The following KCNH6 variants were observed in gnomAD, a reference collection of about 807,000 sequenced individuals.
KCNH6 encodes the protein potassium voltage-gated channel subfamily H member 6.
KCNH6 carries 81 observed loss-of-function variants against 83.4 expected under a neutral mutation model. That is an observed-to-expected ratio of 0.97 (90% CI 0.81 to 1.17). The LOEUF (loss-of-function observed/expected upper bound fraction) is 1.17, where lower values mean the gene tolerates loss of function less well. Ranked by LOEUF, KCNH6 falls within the 50% of genes most tolerant of loss-of-function variation. The pLI is 0.00. For missense variants in KCNH6, 1,203 were observed against 1,290.5 expected (o/e 0.93, Z 1.04); for synonymous variants, 503 against 545.6 (o/e 0.92, Z 1.09).
At chr17:63,544,223 C>T (rs1449239219) in intron 10 of KCNH6, 26 bp from the exon 11 acceptor site, 1 of 1,588,468 alleles carries the variant, frequency 6.3e-7, no homozygotes, top group Non-Finnish European at 8.6e-7. Context: ...CTAGGCCCAG[C>T]TGAGACTTCC....
chr17:63,541,572 C>T (rs921766539), intron 8 of KCNH6, among the ~76,000 whole-genome samples: 1 of 150,156 alleles, frequency 6.7e-6, no homozygotes, highest in Admixed American at 6.6e-5. Flanking sequence ...GGATTACAGG[C>T]GTGAGCCGCT....
intron 6 of KCNH6, among the ~76,000 whole-genome samples, chr17:63,537,523 C>T (rs990971988): frequency 6.6e-6 from 1 of 152,152 alleles, no homozygotes; most frequent in African/African-American, 2.4e-5. Context: ...CAACCTCTGC[C>T]TCCTGGGTTC....
Position 63,530,120 on chromosome 17 carries a change from G to C in KCNH6, c.337G>C (p.Val113Leu), listed in dbSNP as rs757942451. The change falls in exon 3 of 13, where the codon GTG (valine) becomes CTG (leucine). Residue 113 changes from valine (V) to leucine (L), a missense_variant. Transcript: ENST00000314672. ...ASSFRCLVDV[V>L]PVKNEDGAVI... Reference sequence around the variant, plus strand: ...CAGCTTCCGCTGCCTGGTAGATGTGGTGCCCGTGAAGAACGAGGACGGGGC... The same window carrying C: ...CAGCTTCCGCTGCCTGGTAGATGTGCTGCCCGTGAAGAACGAGGACGGGGC... The C allele has an allele frequency of 6.2e-6, 10 of 1,613,810 alleles. 1 individual carries two copies. In the South Asian group the frequency reaches 1.1e-4, roughly 18 times the overall value.
rs117268221 is a variant in KCNH6, at chr17:63,538,226, C to T, written c.1663C>T (p.His555Tyr). ...CCAGCGCCTGGAGGAGTATTTCCAG[C>T]ACGCCTGGTCCTACACCAATGGCAT... ...LRQRLEEYFQHAWSYTNGIDM... is the reference protein window; with the variant it reads ...LRQRLEEYFQYAWSYTNGIDM... The change falls in exon 7 of 13, where the codon CAC becomes TAC. Residue 555 changes from histidine to tyrosine, a missense_variant. His to Tyr is a moderately conservative substitution (Grantham distance 83, BLOSUM62 2). Coordinates refer to ENST00000314672, the MANE Select transcript of KCNH6 (RefSeq NM_001278919.2). The surrounding 1 kb of genome is among the most constrained non-coding windows in gnomAD (Gnocchi z 4.0). 5.6e-6 allele frequency: 9 copies of T among 1,614,204 alleles called. No homozygotes were observed. The East Asian group carries it at 1.6e-4, about 28-fold the overall frequency.
chr17:63,542,250 A>T lies in KCNH6; in HGVS notation c.1964A>T (p.Asp655Val). 2 of 1,613,708 alleles carry T rather than the reference A, an allele frequency of 1.2e-6. No homozygotes were observed. Among genetic ancestry groups the T allele is most frequent in the Non-Finnish European group, 1.7e-6 (2 of 1,179,770 alleles). Residue 655 changes from aspartate (D) to valine (V), a missense_variant, in exon 9 of 13, where the codon GAC (aspartate) becomes GTC (valine). Transcript: ENST00000314672. Reference sequence around the variant, plus strand: ...CCCCTCTGGCTGGCAGGAAAGAATGACATCTTTGGGGAACCCGTCAGCCTC... The same window carrying T: ...CCCCTCTGGCTGGCAGGAAAGAATGTCATCTTTGGGGAACCCGTCAGCCTC... ...DVVVAILGKN[D>V]IFGEPVSLHA...
Position 63,542,453 on chromosome 17 carries a change from G to A in KCNH6, c.2148+19G>A, listed in dbSNP as rs1368421047. ...GCGGGACGTGAGTCAGGGCCAGGTG[G>A]GCCAGGGTGGGTGGAAATGCCCAGG... On this transcript the variant is annotated intron_variant, in intron 9 of 12. Coordinates refer to ENST00000314672, the MANE Select transcript of KCNH6 (RefSeq NM_001278919.2). 2 of 1,609,194 alleles carry A rather than the reference G, an allele frequency of 1.2e-6. No homozygotes were observed. Among genetic ancestry groups the A allele is most frequent in the Non-Finnish European group, 1.7e-6 (2 of 1,176,448 alleles).
In KCNH6 at chr17:63,534,042, GC is replaced by G; in HGVS notation, c.834del (p.Ala279ProfsTer81). The G allele has an allele frequency of 6.2e-7, 1 of 1,614,174 alleles. No homozygotes were observed. Among genetic ancestry groups the G allele is most frequent in the Non-Finnish European group, 8.5e-7 (1 of 1,180,020 alleles). ...IYTAVFTPYS[A>X]AFLLSDQDES... is the part of the protein sequence containing the mutation. ...CACGGCTGTCTTCACGCCCTACTCAGCCGCCTTCCTGCTCAGCGATCAGGAC... is the reference window on the plus strand; with the variant it reads ...CACGGCTGTCTTCACGCCCTACTCAGCGCCTTCCTGCTCAGCGATCAGGAC... On this transcript the variant is annotated frameshift_variant, in exon 5 of 13. Coordinates refer to ENST00000314672, the MANE Select transcript of KCNH6 (RefSeq NM_001278919.2). LOFTEE classifies it high-confidence loss of function. This position sits in a 1 kb window ranked among gnomAD's most constrained non-coding sequence, Gnocchi z 5.0.
At position 63,535,315 on chromosome 17, in the gene KCNH6, C is replaced by T. The variant is rs576230603; in HGVS notation, c.1102-354C>T. ...CCTCAGTGCCGCTGCTCATGCTGCTCCCTGAGCCAGGAGTGCCCTTTCCCT... is the reference window on the plus strand; with the variant it reads ...CCTCAGTGCCGCTGCTCATGCTGCTTCCTGAGCCAGGAGTGCCCTTTCCCT... On this transcript the variant is annotated intron_variant, in intron 5 of 12. Transcript: ENST00000314672. The surrounding 1 kb of genome is among the most constrained non-coding windows in gnomAD (Gnocchi z 4.9). Among the ~76,000 whole-genome samples, 1 of 152,306 alleles carries T rather than the reference C, an allele frequency of 6.6e-6. No individual in the cohort carries two copies. Among genetic ancestry groups the T allele is most frequent in the South Asian group, 2.1e-4 (1 of 4,832 alleles).
At chr17:63,548,499 C>T (rs1255390431), downstream of KCNH6, among the ~76,000 whole-genome samples, 1 of 152,122 alleles carries the variant, frequency 6.6e-6, no homozygotes, top group East Asian at 1.9e-4. Context: ...TGCCTCAAAA[C>T]GAATGTGTAT....
Position 63,523,550 on chromosome 17 carries a change from G to A in KCNH6, c.76+61G>A. On this transcript the variant is annotated intron_variant, in intron 1 of 12. Coordinates refer to ENST00000314672, the MANE Select transcript of KCNH6 (RefSeq NM_001278919.2). This position sits in a 1 kb window ranked among gnomAD's most constrained non-coding sequence, Gnocchi z 4.2. ...GGAGTCCTGGTTCCGTGAAAGGGGG[G>A]GCTGGACCCCTTTACTAACTTCTAA... The A allele has an allele frequency of 2.7e-6, 4 of 1,457,638 alleles. No homozygotes were observed. Among genetic ancestry groups the A allele is most frequent in the African/African-American group, 1.4e-5 (1 of 69,996 alleles). The allele number at this position is 1,457,638 out of a possible 1,614,324, so 90.3% of individuals were successfully genotyped here. A position where few individuals can be genotyped will look rare whatever the true frequency, so the allele number is the denominator to read the frequency against.
intron 2 of KCNH6, 143 bp from the exon 3 acceptor site, chr17:63,529,948 C>T (rs2031972818): frequency 2.4e-6 from 2 of 844,748 alleles, no homozygotes. Flanking sequence ...CCACCCTCTG[C>T]CCAGTATCTC....
At chr17:63,524,465 C>A in intron 2 of KCNH6, 96 bp downstream of exon 2, 2 of 1,000,980 alleles carry the variant, frequency 2.0e-6, no homozygotes, top group Non-Finnish European at 3.0e-6. Context: ...ACCCAGGGTC[C>A]AAAGGGCCTG....
In KCNH6 at chr17:63,535,917, C is replaced by T. The variant is rs747579895; in HGVS notation, c.1350C>T (p.Gly450=). ...LGVQLGKRYN[G]SDPASGPSVQ... ...TGCAGCTTGGCAAGCGCTACAACGGCAGCGACCCAGCCTCGGGCCCCTCGG... is the reference window on the plus strand; with the variant it reads ...TGCAGCTTGGCAAGCGCTACAACGGTAGCGACCCAGCCTCGGGCCCCTCGG... The change falls in exon 6 of 13, where the codon GGC becomes GGT. Residue 450 remains glycine (G), a synonymous_variant. Coordinates refer to ENST00000314672, the MANE Select transcript of KCNH6 (RefSeq NM_001278919.2). The surrounding 1 kb of genome is among the most constrained non-coding windows in gnomAD (Gnocchi z 4.9). The T allele has an allele frequency of 5.0e-6, 8 of 1,614,034 alleles. No homozygotes were observed. Among genetic ancestry groups the T allele is most frequent in the Non-Finnish European group, 2.5e-6 (3 of 1,180,060 alleles).
chr17:63,545,457 G>A (rs747611736), intron 12 of KCNH6, 152 bp from the exon 13 acceptor site: 119 of 961,180 alleles, frequency 1.2e-4, no homozygotes, highest in Non-Finnish European at 1.7e-4. Context: ...AGCCCAGAAT[G>A]TGACTCCAGA....
At chr17:63,524,015 C>G in intron 1 of KCNH6, 124 bp from the exon 2 acceptor site, 1 of 735,896 alleles carries the variant, frequency 1.4e-6, no homozygotes, top group Non-Finnish European at 2.4e-6. Flanking sequence ...TCCCTCATTC[C>G]GGTCACTGCC....
At chr17:63,541,870 G>A (rs2032880477) in intron 8 of KCNH6, among the ~76,000 whole-genome samples, 1 of 152,178 alleles carries the variant, frequency 6.6e-6, no homozygotes, top group African/African-American at 2.4e-5. Context: ...CCACAGCACT[G>A]GCAGGCCAAG....
At position 63,538,643 on chromosome 17, in the gene KCNH6, C is replaced by T. The variant is rs901773987; in HGVS notation, c.1935C>T (p.Asp645=). The T allele has an allele frequency of 3.1e-6, 5 of 1,595,722 alleles. No homozygotes were observed. Among genetic ancestry groups the T allele is most frequent in the African/African-American group, 2.7e-5 (2 of 74,620 alleles). ...SRGSIEILRD[D]VVVAILGKND... ...GCTCCATCGAGATCCTGCGCGACGA[C>T]GTGGTCGTGGCCATCCTAGGTGGGT... The change falls in exon 8 of 13, where the codon GAC becomes GAT. Residue 645 remains aspartate, a synonymous_variant. Transcript: ENST00000314672. This position sits in a 1 kb window ranked among gnomAD's most constrained non-coding sequence, Gnocchi z 4.0.
chr17:63,542,105 T>C (rs954813306), intron 8 of KCNH6, 136 bp from the exon 9 acceptor site: 4 of 820,944 alleles, frequency 4.9e-6, no homozygotes, highest in Non-Finnish European at 7.7e-6. Context: ...TCCAGCCATG[T>C]CCCCAGAGCT....
At chr17:63,530,587 C>T in intron 4 of KCNH6, 45 bp downstream of exon 4, 1 of 1,578,086 alleles carries the variant, frequency 6.3e-7, no homozygotes, top group Non-Finnish European at 8.7e-7. Context: ...GCCAGGCCTC[C>T]AGGGTCCCCT....
Sources: gnomAD v4.1 joint callset for allele counts (sites outside exome capture counted in the v4.1 genomes callset) on GRCh38, gnomAD v4.1.1 for gene constraint, Gnocchi (gnomAD v3.1) non-coding constraint, MANE v1.5 for transcripts, NCBI Gene and HGNC (gene_info 2026-07-23, HGNC 2026-07-21) for gene names.